FSHR: variants seen among roughly 807,000 people sequenced by gnomAD.
FSHR encodes the protein follicle stimulating hormone receptor.
Under a neutral mutation model 52.1 loss-of-function variants are expected in FSHR, and 46 were observed. The ratio of observed to expected loss-of-function variants is 0.88; its 90% confidence interval spans 0.70 to 1.13. FSHR has a LOEUF of 1.13. FSHR is among the 50% of genes most tolerant of loss of function. The pLI is 0.00. For missense variants in FSHR, 964 were observed against 834.6 expected (o/e 1.16, Z -1.91); for synonymous variants, 399 against 309.6 (o/e 1.29, Z -3.03).
intron 2 of FSHR, among the ~76,000 whole-genome samples, chr2:49,063,381 G>T (rs73931507): frequency 0.14 from 20,721 of 151,508 alleles, 1,427 homozygotes; most frequent in Middle Eastern, 0.2. Context: ...AATAGCCAAG[G>T]TATAGAACCA....
At chr2:49,046,030 A>G (rs116162828) in intron 2 of FSHR, among the ~76,000 whole-genome samples, 51 of 152,302 alleles carry the variant, frequency 3.3e-4, no homozygotes, top group African/African-American at 1.2e-3. Flanking sequence ...AAACTCACCT[A>G]CATGACTTCT....
rs377550562 is a variant in FSHR, at chr2:49,020,092, T to C, written c.293A>G (p.His98Arg). The C allele has an allele frequency of 2.7e-5, 43 of 1,613,070 alleles. No homozygotes were observed. Among genetic ancestry groups the C allele is most frequent in the Non-Finnish European group, 3.5e-5 (41 of 1,179,156 alleles). Residue 98 changes from histidine to arginine, a missense_variant, in exon 3 of 10, where the codon CAT becomes CGT. Coordinates refer to ENST00000406846, the MANE Select transcript of FSHR (RefSeq NM_000145.4). Reference protein sequence around the residue: ...ADVFSNLPKLHEIRIEKANNL... With the variant: ...ADVFSNLPKLREIRIEKANNL... ...CCCCAATCTTCTTGCTTACATTTCA[T>C]GTAATTTGGGAAGGTTGGAGAACAC... is the stretch of plus-strand genomic sequence containing the variant.
chr2:49,081,881 A>G (rs1670182434), intron 1 of FSHR, among the ~76,000 whole-genome samples: 1 of 152,232 alleles, frequency 6.6e-6, no homozygotes, highest in Non-Finnish European at 1.5e-5. Context: ...AAGATTCCAT[A>G]GAAAGCTTTC....
intron 1 of FSHR, among the ~76,000 whole-genome samples, chr2:49,131,013 T>C (rs1054551223): frequency 6.6e-6 from 1 of 152,198 alleles, no homozygotes; most frequent in African/African-American, 2.4e-5. Flanking sequence ...GTGTTACTTA[T>C]ACCATAATGA....
intron 1 of FSHR, among the ~76,000 whole-genome samples, chr2:49,117,053 G>A (rs1388066165): frequency 6.6e-6 from 1 of 152,184 alleles, no homozygotes; most frequent in Non-Finnish European, 1.5e-5. Flanking sequence ...CCAGCACTTT[G>A]TGAGCCCAGT....
At chr2:49,136,500 G>T (rs1165306482) in intron 1 of FSHR, among the ~76,000 whole-genome samples, 1 of 151,998 alleles carries the variant, frequency 6.6e-6, no homozygotes, top group African/African-American at 2.4e-5. Context: ...AAATACTTTT[G>T]CACTCATTCT....
chr2:49,098,600 G>T (rs1185498727), intron 1 of FSHR, among the ~76,000 whole-genome samples: 3 of 151,686 alleles, frequency 2.0e-5, no homozygotes, highest in Non-Finnish European at 2.9e-5. Context: ...AGGTTACAGA[G>T]ATTTGATCTT....
At position 48,966,005 on chromosome 2, in the gene FSHR, C is replaced by T. The variant is rs555448651; in HGVS notation, c.855-2039G>A. The stretch of plus-strand genomic sequence containing the variant: ...ATGCTTGGGGGTGGCATAGCAGTGT[C>T]GCAGAGCCTAAGCTTTGGAGGCAGG... On this transcript the variant is annotated intron_variant, in intron 9 of 9. Transcript: ENST00000406846. Among the ~76,000 whole-genome samples the T allele has an allele frequency of 7.9e-5, 12 of 152,244 alleles. No individual in the cohort carries two copies. The South Asian group carries it at 8.3e-4, about 11-fold the overall frequency.
chr2:49,122,286 C>G (rs1312396968), intron 1 of FSHR, among the ~76,000 whole-genome samples: 1 of 152,174 alleles, frequency 6.6e-6, no homozygotes, highest in Non-Finnish European at 1.5e-5. Context: ...GAGCTGGAGC[C>G]TTACTGATTT....
intron 3 of FSHR, among the ~76,000 whole-genome samples, chr2:49,019,026 T>G: frequency 6.6e-6 from 1 of 152,232 alleles, no homozygotes; most frequent in East Asian, 1.9e-4. Context: ...TCTCTGTGCC[T>G]TTCCTTCTTC....
chr2:49,071,472 A>G (rs547438896), intron 1 of FSHR, among the ~76,000 whole-genome samples: 3 of 152,332 alleles, frequency 2.0e-5, no homozygotes, highest in African/African-American at 7.2e-5. Flanking sequence ...CTTCTGAACA[A>G]ATTTAATTAG....
intron 2 of FSHR, among the ~76,000 whole-genome samples, chr2:49,045,943 C>A (rs761789647): frequency 6.6e-6 from 1 of 152,160 alleles, no homozygotes; most frequent in Non-Finnish European, 1.5e-5. Context: ...GATCTAATTT[C>A]TTTTAATAGA....
At chr2:49,079,182 G>A (rs773182735) in intron 1 of FSHR, among the ~76,000 whole-genome samples, 2 of 151,650 alleles carry the variant, frequency 1.3e-5, no homozygotes, top group African/African-American at 4.8e-5. Context: ...AAAAAAACAG[G>A]CTCCAGGATT....
At position 49,154,439 on chromosome 2, in the gene FSHR, A is replaced by T; in HGVS notation, c.-22T>A. The T allele has an allele frequency of 1.9e-6, 3 of 1,611,328 alleles. No homozygotes were observed. Among genetic ancestry groups the T allele is most frequent in the Non-Finnish European group, 2.5e-6 (3 of 1,179,540 alleles). On this transcript the variant is annotated 5_prime_UTR_variant, in exon 1 of 10. Transcript: ENST00000406846. ...CCATAATTATGCATCCATCCACCTG[A>T]TTTCTTCCTGCATTTGCAGAGAAAA...
At chr2:49,048,421 G>C (rs1296565766) in intron 2 of FSHR, among the ~76,000 whole-genome samples, 2 of 152,074 alleles carry the variant, frequency 1.3e-5, no homozygotes, top group Non-Finnish European at 2.9e-5. Flanking sequence ...AGGTGCTTTC[G>C]AGGAATATGG....
intron 1 of FSHR, among the ~76,000 whole-genome samples, chr2:49,101,998 G>A (rs1671043531): frequency 6.6e-6 from 1 of 152,014 alleles, no homozygotes; most frequent in South Asian, 2.1e-4. Context: ...CCTTTTAAAG[G>A]CCCTACTTCT....
At position 49,000,165 on chromosome 2, in the gene FSHR, A is replaced by G. The variant is rs532219651; in HGVS notation, c.375-9528T>C. 3.3e-5 allele frequency among the ~76,000 whole-genome samples: 5 copies of G among 152,168 alleles called. 1 individual carries two copies. The South Asian group carries it at 1.0e-3, about 32-fold the overall frequency. On this transcript the variant is annotated intron_variant, in intron 4 of 9. Coordinates refer to ENST00000406846, the MANE Select transcript of FSHR (RefSeq NM_000145.4). ...ACCAAGTTTGCACATTTTAGGATGG[A>G]TCTCTTAGATTATAACTAGGGGAGG... is the stretch of plus-strand genomic sequence containing the variant.
At position 48,963,618 on chromosome 2, in the gene FSHR, C is replaced by T. The variant is rs760095622; in HGVS notation, c.1203G>A (p.Met401Ile). The T allele has an allele frequency of 1.2e-6, 2 of 1,614,060 alleles. No homozygotes were observed. The highest frequency in any genetic ancestry group is 2.7e-5 in the African/African-American group (2 of 74,920). ...AGAGATCAGCAAAGGCCAGGTTGCA[C>T]ATAAGGAACCTGGGGACTGTGAGTT... Reference protein sequence around the residue: ...QYKLTVPRFLMCNLAFADLCI... With the variant: ...QYKLTVPRFLICNLAFADLCI... Residue 401 changes from methionine (M) to isoleucine (I), a missense_variant, in exon 10 of 10, where the codon ATG (methionine) becomes ATA (isoleucine). Met to Ile is a conservative substitution (Grantham distance 10, BLOSUM62 1). Coordinates refer to ENST00000406846, the MANE Select transcript of FSHR (RefSeq NM_000145.4).
intron 4 of FSHR, chr2:48,997,334 C>T: frequency 1.0e-6 from 1 of 985,058 alleles, no homozygotes. Flanking sequence ...GTCTCAGTCT[C>T]CATGGAAACC....
Sources: gnomAD v4.1 joint callset for allele counts (sites outside exome capture counted in the v4.1 genomes callset) on GRCh38, gnomAD v4.1.1 for gene constraint, MANE v1.5 for transcripts, NCBI Gene and HGNC (gene_info 2026-07-23, HGNC 2026-07-21) for gene names.